The following CACNA1C variants were observed in gnomAD, a reference collection of about 807,000 sequenced individuals.
CACNA1C encodes the protein calcium voltage-gated channel subunit alpha1 C.
In CACNA1C, 30 loss-of-function variants were observed where a neutral mutation model predicts 229.0. The observed-to-expected ratio is 0.13, with a 90% CI of 0.10 to 0.18. The LOEUF is 0.18. Among genes scored for constraint, CACNA1C ranks in the 10% least tolerant of loss-of-function variants. The pLI is 1.00. For missense variants in CACNA1C, 1,658 were observed against 2,845.0 expected, an observed-to-expected ratio of 0.58 and a Z score of 9.49; for synonymous variants, 1,114 against 1,132.5, an observed-to-expected ratio of 0.98 and a Z score of 0.33.
Position 2,651,839 on chromosome 12 carries a change from CAA to C in CACNA1C, c.4074+72_4074+73del. On this transcript the variant is annotated intron_variant, in intron 32 of 46. Coordinates refer to ENST00000399655, the MANE Select transcript of CACNA1C (RefSeq NM_000719.7). This position sits in a 1 kb window ranked among gnomAD's most constrained non-coding sequence, Gnocchi z 5.4. ...CGCGTGGCCCAGAACACAGCTGACA[CAA>C]GGAGGAGCCCTCCACTCTGGGGCCC... 2.4e-6 allele frequency: 3 copies of C among 1,246,844 alleles called. No individual in the cohort carries two copies. Among genetic ancestry groups the C allele is most frequent in the Admixed American group, 2.3e-5 (1 of 44,434 alleles). 77.2% of individuals were successfully genotyped at this position (1,246,844 alleles called of 1,614,324 possible). A position where few individuals can be genotyped will look rare whatever the true frequency, so the allele number is the denominator to read the frequency against.
chr12:2,683,190 T>C (rs2097265193), intron 43 of CACNA1C, among the ~76,000 whole-genome samples: 1 of 152,186 alleles, frequency 6.6e-6, no homozygotes, highest in Non-Finnish European at 1.5e-5. Flanking sequence ...CTTTAGAAGG[T>C]GGTGACATCC....
intron 3 of CACNA1C, among the ~76,000 whole-genome samples, chr12:2,200,332 C>G (rs1339317137): frequency 6.6e-6 from 1 of 152,210 alleles, no homozygotes; most frequent in Non-Finnish European, 1.5e-5. Context: ...AGGCACTATT[C>G]TAGAGCAGTG....
At chr12:2,232,805 GTTTA>G (rs1351150993) in intron 3 of CACNA1C, among the ~76,000 whole-genome samples, 1 of 152,054 alleles carries the variant, frequency 6.6e-6, no homozygotes, top group Non-Finnish European at 1.5e-5. Context: ...CCAGTATCAT[GTTTA>G]TTTATTTTAT....
chr12:2,541,579 AC>A (rs376223391), intron 9 of CACNA1C, among the ~76,000 whole-genome samples: 2 of 151,924 alleles, frequency 1.3e-5, no homozygotes, highest in East Asian at 3.9e-4. Context: ...TGCTCCCGAT[AC>A]CCCCAGCCAC....
intron 1 of CACNA1C, among the ~76,000 whole-genome samples, chr12:1,987,040 C>A (rs1212875889): frequency 6.6e-6 from 1 of 151,992 alleles, no homozygotes; most frequent in African/African-American, 2.4e-5. Context: ...CAGAACCACT[C>A]CAGAATTAAG....
chr12:2,024,906 T>C (rs2047050380), intron 1 of CACNA1C, among the ~76,000 whole-genome samples: 1 of 152,204 alleles, frequency 6.6e-6, no homozygotes, highest in Non-Finnish European at 1.5e-5. Flanking sequence ...TGGCCATGGC[T>C]GTGGTCTCTG....
intron 1 of CACNA1C, among the ~76,000 whole-genome samples, chr12:2,069,785 C>T (rs1269768549): frequency 2.6e-5 from 4 of 152,110 alleles, no homozygotes; most frequent in Admixed American, 2.6e-4. Flanking sequence ...TGCATTGGGA[C>T]ATTATAGCAT....
At chr12:2,293,555 G>C (rs1472581031) in intron 3 of CACNA1C, among the ~76,000 whole-genome samples, 2 of 152,162 alleles carry the variant, frequency 1.3e-5, no homozygotes, top group Non-Finnish European at 2.9e-5. Context: ...AAAACAGTAT[G>C]AGATTTTTCT....
chr12:2,118,378 G>A (rs1466359578), intron 2 of CACNA1C, among the ~76,000 whole-genome samples: 1 of 152,204 alleles, frequency 6.6e-6, no homozygotes, highest in Non-Finnish European at 1.5e-5. Flanking sequence ...AAGCAGGCGA[G>A]AAAAGGTTTG....
At chr12:2,629,662 A>G (rs2089380713) in intron 29 of CACNA1C, among the ~76,000 whole-genome samples, 2 of 152,232 alleles carry the variant, frequency 1.3e-5, no homozygotes, top group African/African-American at 4.8e-5. Flanking sequence ...ATCTGCCTCC[A>G]GAGATCAAGC....
chr12:2,191,270 G>A (rs1023996978), intron 3 of CACNA1C, among the ~76,000 whole-genome samples: 2 of 152,172 alleles, frequency 1.3e-5, no homozygotes, highest in African/African-American at 4.8e-5. Flanking sequence ...TTCAGATAGA[G>A]ACAGACTGAA....
At chr12:2,640,300 G>C (rs2093506797) in intron 30 of CACNA1C, among the ~76,000 whole-genome samples, 1 of 152,230 alleles carries the variant, frequency 6.6e-6, no homozygotes, top group African/African-American at 2.4e-5. Flanking sequence ...CCTGGGCCAG[G>C]CTGGCCTGGG....
chr12:2,096,510 A>ATGT (rs1234271231), intron 1 of CACNA1C, among the ~76,000 whole-genome samples: 6 of 152,086 alleles, frequency 3.9e-5, no homozygotes, highest in Admixed American at 3.9e-4. Context: ...TCCTCTTGGG[A>ATGT]TGTTCTTCCA....
chr12:2,145,815 A>AG (rs1192706706), intron 3 of CACNA1C, among the ~76,000 whole-genome samples: 1 of 151,162 alleles, frequency 6.6e-6, no homozygotes, highest in Non-Finnish European at 1.5e-5. Context: ...ATTTCATGCT[A>AG]GGGATGTTTT....
intron 3 of CACNA1C, among the ~76,000 whole-genome samples, chr12:2,128,350 A>C (rs909061065): frequency 2.6e-5 from 4 of 152,172 alleles, no homozygotes; most frequent in African/African-American, 9.6e-5. Flanking sequence ...AACAAACAAA[A>C]TTTGGTTCTG....
intron 5 of CACNA1C, among the ~76,000 whole-genome samples, chr12:2,463,101 C>T (rs200232971): frequency 1.3e-5 from 2 of 151,938 alleles, no homozygotes; most frequent in Non-Finnish European, 2.9e-5. Flanking sequence ...TTAGTAGAGA[C>T]GGGTTTCACC....
intron 1 of CACNA1C, among the ~76,000 whole-genome samples, chr12:2,041,833 G>A (rs576800237): frequency 1.3e-5 from 2 of 152,330 alleles, no homozygotes; most frequent in African/African-American, 4.8e-5. Flanking sequence ...TTCAGTGGCC[G>A]GGGCTGCCGA....
intron 29 of CACNA1C, among the ~76,000 whole-genome samples, 199 bp from the exon 30 acceptor site, chr12:2,634,098 G>A (rs1378810664): frequency 6.6e-6 from 1 of 152,080 alleles, no homozygotes; most frequent in African/African-American, 2.4e-5. Context: ...CCAGGTTTGA[G>A]CTGCCAGAAC....
At chr12:2,364,859 G>C (rs1422870251) in intron 3 of CACNA1C, among the ~76,000 whole-genome samples, 2 of 152,214 alleles carry the variant, frequency 1.3e-5, no homozygotes, top group South Asian at 2.1e-4. Context: ...GATTCCAGGA[G>C]AGTCTCTGAA....
Sources: gnomAD v4.1 joint callset for allele counts (sites outside exome capture counted in the v4.1 genomes callset) on GRCh38, gnomAD v4.1.1 for gene constraint, Gnocchi (gnomAD v3.1) non-coding constraint, MANE v1.5 for transcripts, NCBI Gene and HGNC (gene_info 2026-07-23, HGNC 2026-07-21) for gene names.